The following LAMB4 variants were observed in gnomAD, a reference collection of about 807,000 sequenced individuals.
The protein encoded by LAMB4 is laminin subunit beta 4.
Under a neutral mutation model 199.2 loss-of-function variants are expected in LAMB4, and 196 were observed. The ratio of observed to expected loss-of-function variants is 0.98; its 90% CI spans 0.88 to 1.11. The LOEUF is 1.11. Among genes scored for constraint, LAMB4 ranks in the 50% least tolerant of loss-of-function variants. The probability of loss-of-function intolerance (pLI) is 0.00; values close to 1 mark genes in which losing one functional copy is unlikely to be tolerated. For synonymous variants in LAMB4, 744 were observed against 770.6 expected (o/e 0.97, Z 0.57); for missense variants, 2,080 against 2,171.2 (o/e 0.96, Z 0.83).
intron 1 of LAMB4, among the ~76,000 whole-genome samples, chr7:108,128,307 G>A (rs531290124): frequency 9.2e-5 from 14 of 152,110 alleles, no homozygotes; most frequent in Non-Finnish European, 1.9e-4. Context: ...CTCAAACATG[G>A]TGCCATCCCT....
In LAMB4 at chr7:108,116,059, G is replaced by C; in HGVS notation, c.137C>G (p.Ser46Cys). The C allele has an allele frequency of 6.2e-7, 1 of 1,613,982 alleles. No individual in the cohort carries two copies. The change falls in exon 3 of 34, where the codon TCT becomes TGT. Residue 46 changes from serine to cysteine, a missense_variant. Physicochemically the swap from Ser to Cys is moderately radical, Grantham distance 112. Transcript: ENST00000388781. ...LVGRNTQLMA[S>C]STCGLSRAQK... Reference sequence around the variant, plus strand: ...GGCTCTGCTCAGCCCACAGGTAGAAGAAGCCATAAGCTGCGTGTTCCTGCC... The same window carrying C: ...GGCTCTGCTCAGCCCACAGGTAGAACAAGCCATAAGCTGCGTGTTCCTGCC...
At chr7:108,042,937 C>CTCTCTGTGTGTGTGTGTG (rs1554426273) in intron 29 of LAMB4, among the ~76,000 whole-genome samples, 5 of 140,292 alleles carry the variant, frequency 3.6e-5, no homozygotes, top group African/African-American at 1.4e-4. Flanking sequence ...CTCTCAATCT[C>CTCTCTGTGTGTGTGTGTG]TGTGTGTGTG....
chr7:108,078,353 G>A, intron 15 of LAMB4, 37 bp from the exon 16 acceptor site: 1 of 1,315,226 alleles, frequency 7.6e-7, no homozygotes, highest in Non-Finnish European at 1.1e-6. Context: ...TCACTGCAAG[G>A]ATGCAGGAAA....
intron 23 of LAMB4, among the ~76,000 whole-genome samples, chr7:108,059,765 C>G (rs1050567776): frequency 2.0e-5 from 3 of 152,088 alleles, no homozygotes; most frequent in Non-Finnish European, 4.4e-5. Context: ...AAGAGCTGTG[C>G]CAAGTTATTA....
intron 10 of LAMB4, among the ~76,000 whole-genome samples, chr7:108,102,361 A>G (rs1159148399): frequency 6.6e-6 from 1 of 152,230 alleles, no homozygotes; most frequent in African/African-American, 2.4e-5. Flanking sequence ...ATGTCAACAT[A>G]TATTGTTCAT....
rs770113179 is a variant in LAMB4 at position 108,063,832 on chromosome 7, T to A, written c.2990A>T (p.Asn997Ile). The change falls in exon 22 of 34, where the codon AAC (asparagine) becomes ATC (isoleucine). Residue 997 changes from asparagine to isoleucine, a missense_variant. By Grantham distance (149) the Asn-to-Ile change is moderately radical (BLOSUM62 -3). Coordinates refer to ENST00000388781, the MANE Select transcript of LAMB4 (RefSeq NM_007356.3). ...GAGCTGGCAGTTTGCGCCCTGAGTGTTGTGCAAACATCGAAGGCACTCCCC... is the reference window on the plus strand; with the variant it reads ...GAGCTGGCAGTTTGCGCCCTGAGTGATGTGCAAACATCGAAGGCACTCCCC... ...VTGECLRCLH[N>I]TQGANCQLCK... The A allele has an allele frequency of 6.2e-7, 1 of 1,614,194 alleles. No homozygotes were observed. The highest frequency in any genetic ancestry group is 1.1e-5 in the South Asian group (1 of 91,076).
At chr7:108,053,749 G>A (rs1159320110) in intron 25 of LAMB4, among the ~76,000 whole-genome samples, 4 of 152,154 alleles carry the variant, frequency 2.6e-5, no homozygotes, top group Non-Finnish European at 5.9e-5. Context: ...TGTCCAGAAC[G>A]TCCATGGTGG....
At chr7:108,013,744 T>G in the LAMB4 span, among the ~76,000 whole-genome samples, 1 of 152,184 alleles carries the variant, frequency 6.6e-6, no homozygotes, top group Non-Finnish European at 1.5e-5. Flanking sequence ...ACTTGCCAAA[T>G]TATGCACAGA....
chr7:108,029,707 C>T (rs758340804), intron 32 of LAMB4, among the ~76,000 whole-genome samples: 1 of 152,054 alleles, frequency 6.6e-6, no homozygotes, highest in Non-Finnish European at 1.5e-5. Flanking sequence ...TGGAGATCCC[C>T]CTTGAATAGA....
intron 32 of LAMB4, 53 bp from the exon 33 acceptor site, chr7:108,029,249 A>G: frequency 6.7e-7 from 1 of 1,487,828 alleles, no homozygotes; most frequent in South Asian, 1.3e-5. Context: ...GCATGTACAT[A>G]TATGCATGAT....
chr7:108,108,965 T>TA lies in LAMB4; in HGVS notation c.402+205dup, dbSNP rs1364242343. The stretch of plus-strand genomic sequence containing the variant: ...CTTTTCTCTGTGTCTTCTAATTTTT[T>TA]AAAAAAATCATATAGTCATGGTCAT... On this transcript the variant is annotated intron_variant, in intron 5 of 33. Coordinates refer to ENST00000388781, the MANE Select transcript of LAMB4 (RefSeq NM_007356.3). Among the ~76,000 whole-genome samples, 13 of 152,270 alleles carry TA rather than the reference T, an allele frequency of 8.5e-5. No homozygotes were observed. In the East Asian group the frequency reaches 1.5e-3, roughly 18 times the overall value.
intron 19 of LAMB4, 56 bp downstream of exon 19, chr7:108,067,960 T>C: frequency 6.2e-7 from 1 of 1,609,006 alleles, no homozygotes; most frequent in South Asian, 1.1e-5. Context: ...CTTTGCCTGC[T>C]GTCAAAATGT....
At chr7:108,099,415 G>T (rs1358578371) in intron 10 of LAMB4, among the ~76,000 whole-genome samples, 1 of 152,232 alleles carries the variant, frequency 6.6e-6, no homozygotes, top group East Asian at 1.9e-4. Context: ...GGAGAGAGTA[G>T]AAGTCACAAA....
chr7:108,082,413 A>G lies in LAMB4; in HGVS notation c.1702-2627T>C, dbSNP rs148277134. Among the ~76,000 whole-genome samples the G allele has an allele frequency of 1.1e-4, 17 of 152,128 alleles. No individual in the cohort carries two copies. In the East Asian group the frequency reaches 2.3e-3, roughly 21 times the overall value. On this transcript the variant is annotated intron_variant, in intron 14 of 33. Transcript: ENST00000388781. Reference sequence around the variant, plus strand: ...GCTTAGGTAAATTACTTCTACAAAGATAACTGTCTATTGGGGAAGGGGGTA... The same window carrying G: ...GCTTAGGTAAATTACTTCTACAAAGGTAACTGTCTATTGGGGAAGGGGGTA...
chr7:108,072,675 GA>G (rs2036573081), intron 17 of LAMB4, among the ~76,000 whole-genome samples: 1 of 152,052 alleles, frequency 6.6e-6, no homozygotes, highest in Admixed American at 6.6e-5. Flanking sequence ...CTCCCCTTTA[GA>G]GAATAAGAAC....
At chr7:108,037,695 C>T (rs1481503073) in intron 29 of LAMB4, 100 bp from the exon 30 acceptor site, 7 of 829,852 alleles carry the variant, frequency 8.4e-6, no homozygotes, top group African/African-American at 1.7e-5. Context: ...TGCACTTGCA[C>T]TTGATTATGT....
chr7:108,108,548 A>T (rs2038106363), intron 5 of LAMB4, among the ~76,000 whole-genome samples: 1 of 152,170 alleles, frequency 6.6e-6, no homozygotes, highest in South Asian at 2.1e-4. Context: ...TTTTAAATCA[A>T]TCATCCCGCT....
At chr7:108,064,893 CTT>C (rs59452561) in intron 21 of LAMB4, among the ~76,000 whole-genome samples, 161 of 138,634 alleles carry the variant, frequency 1.2e-3, no homozygotes, top group African/African-American at 2.6e-3. Flanking sequence ...GTGTAAATAC[CTT>C]TTTTTTTTTT....
intron 2 of LAMB4, 126 bp from the exon 3 acceptor site, chr7:108,116,287 T>C (rs1381862590): frequency 2.2e-6 from 2 of 889,836 alleles, no homozygotes; most frequent in Non-Finnish European, 3.2e-6. Context: ...TATCAGACTT[T>C]TAAGTTTATT....
Sources: gnomAD v4.1 joint callset for allele counts (sites outside exome capture counted in the v4.1 genomes callset) on GRCh38, gnomAD v4.1.1 for gene constraint, MANE v1.5 for transcripts, NCBI Gene and HGNC (gene_info 2026-07-23, HGNC 2026-07-21) for gene names.